The following TRIM32 variants were observed in gnomAD, a reference collection of about 807,000 sequenced individuals.
TRIM32 encodes the protein E3 ubiquitin-protein ligase TRIM32.
A neutral mutation model predicts 36.0 loss-of-function variants in TRIM32; 19 were observed. The ratio of observed to expected loss-of-function variants is 0.53; its 90% CI spans 0.37 to 0.77. The LOEUF (loss-of-function observed/expected upper bound fraction) is 0.77, where lower values mean the gene tolerates loss of function less well. Ranked by LOEUF, TRIM32 falls within the 30% of genes least tolerant of loss-of-function variation. The pLI is 0.00. For missense variants in TRIM32, 747 were observed against 845.2 expected, an observed-to-expected ratio of 0.88 and a Z score of 1.44; for synonymous variants, 309 against 318.5, an observed-to-expected ratio of 0.97 and a Z score of 0.32.
chr9:116,688,003 G>T (rs1041681748), intron 1 of TRIM32, among the ~76,000 whole-genome samples: 1 of 152,022 alleles, frequency 6.6e-6, no homozygotes, highest in African/African-American at 2.4e-5. Flanking sequence ...ATGACATTCA[G>T]TGCATAAGAG....
chr9:116,687,386 G>C lies in TRIM32; in HGVS notation c.-82+5G>C. On this transcript the variant is annotated splice_donor_5th_base_variant and intron_variant, in intron 1 of 1. Coordinates refer to ENST00000450136, the MANE Select transcript of TRIM32 (RefSeq NM_012210.4). ...GTCGGAGCCGCGGGCGGTCAGGTAGGGGGCGGGAAGGAGGGTTGGGGACTG... is the reference window on the plus strand; with the variant it reads ...GTCGGAGCCGCGGGCGGTCAGGTAGCGGGCGGGAAGGAGGGTTGGGGACTG... The C allele has an allele frequency of 3.0e-6, 1 of 329,924 alleles. No individual in the cohort carries two copies. Among genetic ancestry groups the C allele is most frequent in the Non-Finnish European group, 4.3e-6 (1 of 230,776 alleles). 20.4% of individuals were successfully genotyped at this position (329,924 alleles called of 1,614,324 possible). A position where few individuals can be genotyped will look rare whatever the true frequency, so the allele number is the denominator to read the frequency against.
At chr9:116,694,739 G>A (rs953329237) in intron 1 of TRIM32, among the ~76,000 whole-genome samples, 1 of 151,374 alleles carries the variant, frequency 6.6e-6, no homozygotes, top group African/African-American at 2.4e-5. Context: ...CCAAAGTGCT[G>A]GGATTACAGG....
chr9:116,698,774 G>T lies in TRIM32; in HGVS notation c.1032G>T (p.Arg344=). The T allele has an allele frequency of 6.2e-7, 1 of 1,614,184 alleles. No individual in the cohort carries two copies. The highest frequency in any genetic ancestry group is 1.1e-5 in the South Asian group (1 of 91,086). Residue 344 remains arginine, a synonymous_variant, in exon 2 of 2, where the codon CGG becomes CGT. Coordinates refer to ENST00000450136, the MANE Select transcript of TRIM32 (RefSeq NM_012210.4). This position sits in a 1 kb window ranked among gnomAD's most constrained non-coding sequence, Gnocchi z 4.4. The part of the protein sequence containing the change: ...ASPRASPAKQ[R]GPEAASNIQQ... ...CTAGGGCCTCACCTGCTAAACAGCG[G>T]GGTCCTGAGGCAGCCTCCAATATCC...
chr9:116,699,675 TAC>T lies in TRIM32; in HGVS notation c.1934_1935del (p.Tyr645SerfsTer32). On this transcript the variant is annotated frameshift_variant, in exon 2 of 2. Coordinates refer to ENST00000450136, the MANE Select transcript of TRIM32 (RefSeq NM_012210.4). LOFTEE classifies it high-confidence loss of function. This position sits in a 1 kb window ranked among gnomAD's most constrained non-coding sequence, Gnocchi z 4.2. ...GGATCATTGCATCAAGATCTACAGC[TAC>T]CATCTGAGAAGATATTCCACCCCAT... Reference protein sequence around the residue: ...CWDHCIKIYSYHLRRYSTP With the variant: ...CWDHCIKIYSXHLRRYSTP 1.2e-6 allele frequency: 2 copies of T among 1,614,216 alleles called. No homozygotes were observed.
At chr9:116,696,862 A>C (rs1277877139) in intron 1 of TRIM32, among the ~76,000 whole-genome samples, 1 of 151,594 alleles carries the variant, frequency 6.6e-6, no homozygotes, top group East Asian at 1.9e-4. Flanking sequence ...TGTTTTGCAG[A>C]TCACCTAAAA....
chr9:116,690,442 AG>A (rs903567649), intron 1 of TRIM32, among the ~76,000 whole-genome samples: 1 of 152,190 alleles, frequency 6.6e-6, no homozygotes, highest in African/African-American at 2.4e-5. Flanking sequence ...AACCCTTCAG[AG>A]CCCCTATGTT....
Position 116,698,949 on chromosome 9 carries a change from T to C in TRIM32, c.1207T>C (p.Phe403Leu). Residue 403 changes from phenylalanine (F) to leucine (L), a missense_variant, in exon 2 of 2, where the codon TTT becomes CTT. Phe to Leu is a conservative substitution (Grantham distance 22). Coordinates refer to ENST00000450136, the MANE Select transcript of TRIM32 (RefSeq NM_012210.4). This position sits in a 1 kb window ranked among gnomAD's most constrained non-coding sequence, Gnocchi z 4.4. ...YRIQVFTRKGFLKEIRRSPSG... is the reference protein window; with the variant it reads ...YRIQVFTRKGLLKEIRRSPSG... Reference sequence around the variant, plus strand: ...TATACAAGTCTTTACCCGCAAAGGCTTTTTGAAGGAAATCCGCCGCAGCCC... The same window carrying C: ...TATACAAGTCTTTACCCGCAAAGGCCTTTTGAAGGAAATCCGCCGCAGCCC... The C allele has an allele frequency of 6.2e-7, 1 of 1,614,212 alleles. No homozygotes were observed. The highest frequency in any genetic ancestry group is 8.5e-7 in the Non-Finnish European group (1 of 1,180,038).
In TRIM32 at chr9:116,699,739, G is replaced by A. The variant is rs777277975; in HGVS notation, c.*35G>A. ...AATTATCAGTTTCTTCTGCTCCCAA[G>A]CCAACTTCCCTTCCCTTAGTTCTTG... On this transcript the variant is annotated 3_prime_UTR_variant, in exon 2 of 2. Coordinates refer to ENST00000450136, the MANE Select transcript of TRIM32 (RefSeq NM_012210.4). This position sits in a 1 kb window ranked among gnomAD's most constrained non-coding sequence, Gnocchi z 4.2. 9 of 1,613,884 alleles carry A rather than the reference G, an allele frequency of 5.6e-6. No homozygotes were observed. The highest frequency in any genetic ancestry group is 7.6e-6 in the Non-Finnish European group (9 of 1,180,002).
Position 116,698,000 on chromosome 9 carries a change from T to C in TRIM32, c.258T>C (p.Ile86=). The C allele has an allele frequency of 6.2e-7, 1 of 1,614,158 alleles. No homozygotes were observed. The highest frequency in any genetic ancestry group is 2.2e-5 in the East Asian group (1 of 44,874). ...LTDNLTVLKI[I]DTAGLSEAVG... is the part of the protein sequence containing the mutation. ...ACAATCTGACAGTGCTAAAGATCAT[T>C]GATACAGCTGGGCTCAGCGAGGCTG... The change falls in exon 2 of 2, where the codon ATT becomes ATC. Residue 86 remains isoleucine, a synonymous_variant. Coordinates refer to ENST00000450136, the MANE Select transcript of TRIM32 (RefSeq NM_012210.4).
intron 1 of TRIM32, among the ~76,000 whole-genome samples, chr9:116,688,788 A>G (rs1165133465): frequency 2.6e-5 from 4 of 152,086 alleles, no homozygotes; most frequent in African/African-American, 4.8e-5. Context: ...AATTTATCCT[A>G]TATAAGATCC....
chr9:116,692,770 A>T (rs992463398), intron 1 of TRIM32, among the ~76,000 whole-genome samples: 1 of 152,122 alleles, frequency 6.6e-6, no homozygotes, highest in Non-Finnish European at 1.5e-5. Flanking sequence ...ACTTGAGATT[A>T]CTACCTTTTC....
Position 116,699,781 on chromosome 9 carries a change from G to A in TRIM32, c.*77G>A, listed in dbSNP as rs1861082104. Reference sequence around the variant, plus strand: ...TAGTTCTTGGTTGTTAGTGGCACATGCAGAATAGACTCAGCCTATGTCCTG... The same window carrying A: ...TAGTTCTTGGTTGTTAGTGGCACATACAGAATAGACTCAGCCTATGTCCTG... On this transcript the variant is annotated 3_prime_UTR_variant, in exon 2 of 2. Transcript: ENST00000450136. This position sits in a 1 kb window ranked among gnomAD's most constrained non-coding sequence, Gnocchi z 4.2. The A allele has an allele frequency of 7.5e-6, 12 of 1,595,174 alleles. No individual in the cohort carries two copies. Among genetic ancestry groups the A allele is most frequent in the Admixed American group, 1.7e-5 (1 of 59,574 alleles).
At chr9:116,691,780 C>G in intron 1 of TRIM32, among the ~76,000 whole-genome samples, 1 of 152,168 alleles carries the variant, frequency 6.6e-6, no homozygotes, top group East Asian at 1.9e-4. Context: ...GTCCTGCTAA[C>G]GAGTGGCCTT....
chr9:116,689,695 T>C lies in TRIM32; in HGVS notation c.-82+2314T>C, dbSNP rs527286297. Among the ~76,000 whole-genome samples the C allele has an allele frequency of 6.6e-5, 10 of 152,310 alleles. No individual in the cohort carries two copies. The East Asian group carries it at 1.9e-3, about 29-fold the overall frequency. On this transcript the variant is annotated intron_variant, in intron 1 of 1. Transcript: ENST00000450136. Reference sequence around the variant, plus strand: ...AGGATTGCCAGTGAGTATCACTGACTATCAGATTGAACTCTAAAGTTGGGG... The same window carrying C: ...AGGATTGCCAGTGAGTATCACTGACCATCAGATTGAACTCTAAAGTTGGGG...
In TRIM32 at chr9:116,701,095, G is replaced by A. The variant is rs1282156901; in HGVS notation, c.*1391G>A. 1 of 167,086 alleles carries A rather than the reference G, an allele frequency of 6.0e-6. No individual in the cohort carries two copies. Among genetic ancestry groups the A allele is most frequent in the East Asian group, 1.9e-4 (1 of 5,202 alleles). 10.4% of individuals were successfully genotyped at this position (167,086 alleles called of 1,614,324 possible). The stretch of plus-strand genomic sequence containing the variant: ...AGAGGACCTGTGATGAGGTTCCTGA[G>A]GGTTTGGTGTTTACTAAGTAATATA... On this transcript the variant is annotated 3_prime_UTR_variant, in exon 2 of 2. Transcript: ENST00000450136.
chr9:116,690,640 G>C (rs956823034), intron 1 of TRIM32, among the ~76,000 whole-genome samples: 1 of 152,120 alleles, frequency 6.6e-6, no homozygotes, highest in Admixed American at 6.6e-5. Flanking sequence ...CTAAAGCTAG[G>C]GAACTATGAA....
intron 1 of TRIM32, among the ~76,000 whole-genome samples, chr9:116,692,167 T>A (rs1407458096): frequency 1.3e-5 from 2 of 152,168 alleles, no homozygotes; most frequent in African/African-American, 2.4e-5. Flanking sequence ...GAAATGGAGA[T>A]ATCTAGAGAA....
chr9:116,696,162 C>A (rs1860840648), intron 1 of TRIM32, among the ~76,000 whole-genome samples: 1 of 152,136 alleles, frequency 6.6e-6, no homozygotes, highest in Non-Finnish European at 1.5e-5. Context: ...GAAAATGACG[C>A]TCAAAAATCT....
chr9:116,697,716 C>T lies in TRIM32; in HGVS notation c.-27C>T, dbSNP rs1860936554. 6.2e-7 allele frequency: 1 copy of T among 1,613,060 alleles called. No homozygotes were observed. The highest frequency in any genetic ancestry group is 8.5e-7 in the Non-Finnish European group (1 of 1,179,986). The stretch of plus-strand genomic sequence containing the variant: ...CTGTGCTGTTCAGTTCTGAGCTGTG[C>T]TAGCAATACCCTTCAAAGGAAGAGC... On this transcript the variant is annotated 5_prime_UTR_variant, in exon 2 of 2. Coordinates refer to ENST00000450136, the MANE Select transcript of TRIM32 (RefSeq NM_012210.4).
Sources: allele counts gnomAD v4.1 joint callset (sites outside exome capture counted in the v4.1 genomes callset), GRCh38; gene constraint gnomAD v4.1.1; non-coding constraint Gnocchi (gnomAD v3.1); transcripts MANE v1.5; gene names NCBI Gene and HGNC (gene_info 2026-07-23, HGNC 2026-07-21).